The following TMC3 variants were observed in gnomAD, a reference collection of about 807,000 sequenced individuals.
The protein encoded by TMC3 is transmembrane channel like 3, also known as transmembrane channel-like protein 3.
Under a neutral mutation model 110.6 loss-of-function variants are expected in TMC3, and 98 were observed. That is an observed-to-expected ratio of 0.89 (90% CI 0.75 to 1.05). The LOEUF (loss-of-function observed/expected upper bound fraction) is 1.05, where lower values mean the gene tolerates loss of function less well. Among genes scored for constraint, TMC3 ranks in the 50% least tolerant of loss-of-function variants. TMC3 has a pLI of 0.00. For missense variants in TMC3, 1,319 were observed against 1,373.2 expected (o/e 0.96, Z 0.62); for synonymous variants, 489 against 513.1 (o/e 0.95, Z 0.63).
Position 81,334,695 on chromosome 15 carries a change from A to G in TMC3, c.2459+25T>C, listed in dbSNP as rs778603309. ...TCAAATCTCTCACATTCCAGGTTTT[A>G]ATCTGTGCTGCAGTGGAGCCTCACC... On this transcript the variant is annotated intron_variant, in intron 21 of 21. Coordinates refer to ENST00000359440, the MANE Select transcript of TMC3 (RefSeq NM_001080532.3). The G allele has an allele frequency of 3.1e-6, 5 of 1,598,698 alleles. No individual in the cohort carries two copies. The South Asian group carries it at 5.6e-5, about 18-fold the overall frequency.
At chr15:81,357,633 T>TGA (rs1413787337) in intron 7 of TMC3, among the ~76,000 whole-genome samples, 3 of 152,194 alleles carry the variant, frequency 2.0e-5, no homozygotes, top group Non-Finnish European at 4.4e-5. Context: ...GCCTCCCCAG[T>TGA]GATGACCTAG....
In TMC3 at chr15:81,332,879, G is replaced by T. The variant is rs762790734; in HGVS notation, c.2843C>A (p.Thr948Lys). Residue 948 changes from threonine to lysine, a missense_variant, in exon 22 of 22, where the codon ACG (threonine) becomes AAG (lysine). Thr to Lys is a moderately conservative substitution (Grantham distance 78). Coordinates refer to ENST00000359440, the MANE Select transcript of TMC3 (RefSeq NM_001080532.3). Reference sequence around the variant, plus strand: ...CCGTTTGATCCAATCTCTGCTTGGCGTCTCCTCCTCTTCTTCACTCAGCTG... The same window carrying T: ...CCGTTTGATCCAATCTCTGCTTGGCTTCTCCTCCTCTTCTTCACTCAGCTG... ...SPQLSEEEEE[T>K]PSRDWIKRSL... The T allele has an allele frequency of 1.9e-6, 3 of 1,613,350 alleles. No individual in the cohort carries two copies. The highest frequency in any genetic ancestry group is 2.2e-5 in the South Asian group (2 of 91,074).
chr15:81,348,773 G>GAC (rs56776726), intron 11 of TMC3, among the ~76,000 whole-genome samples: 23,924 of 152,136 alleles, frequency 0.16, 3,599 homozygotes, highest in African/African-American at 0.4. Context: ...GGGAAAACCA[G>GAC]ACACTGCCAG....
chr15:81,342,132 C>G (rs1893728685), intron 15 of TMC3, among the ~76,000 whole-genome samples: 1 of 152,162 alleles, frequency 6.6e-6, no homozygotes, highest in African/African-American at 2.4e-5. Context: ...ACCAGATCAT[C>G]CCAGGGAAGC....
intron 4 of TMC3, chr15:81,362,010 GC>G: frequency 2.2e-6 from 1 of 448,360 alleles, no homozygotes. Context: ...ATGTGGAAAG[GC>G]CCACGTCCAG....
chr15:81,342,498 TTAAA>T (rs1893735721), intron 15 of TMC3, among the ~76,000 whole-genome samples: 2 of 152,248 alleles, frequency 1.3e-5, no homozygotes, highest in South Asian at 4.1e-4. Flanking sequence ...TCTAGCACTA[TTAAA>T]TAAATGTCAC....
intron 10 of TMC3, among the ~76,000 whole-genome samples, chr15:81,350,902 G>T (rs1893932806): frequency 6.6e-6 from 1 of 152,128 alleles, no homozygotes; most frequent in Admixed American, 6.5e-5. Context: ...GGGTTGGGGG[G>T]GAGAAGATTG....
At chr15:81,335,162 G>T (rs1387558870) in intron 20 of TMC3, among the ~76,000 whole-genome samples, 187 bp from the exon 21 acceptor site, 1 of 152,238 alleles carries the variant, frequency 6.6e-6, no homozygotes. Context: ...ATCCCTGCAA[G>T]TTGGAGCTGG....
intron 15 of TMC3, among the ~76,000 whole-genome samples, chr15:81,342,423 G>C (rs1268634650): frequency 6.6e-6 from 1 of 152,254 alleles, no homozygotes; most frequent in African/African-American, 2.4e-5. Flanking sequence ...GAAAATAATA[G>C]CAGTTACTTC....
At chr15:81,346,084 G>T (rs1158169874) in intron 12 of TMC3, among the ~76,000 whole-genome samples, 3 of 152,164 alleles carry the variant, frequency 2.0e-5, no homozygotes, top group Non-Finnish European at 4.4e-5. Context: ...GGGATTCAAA[G>T]AAATGGGGTA....
At position 81,332,752 on chromosome 15, in the gene TMC3, C is replaced by T; in HGVS notation, c.2970G>A (p.Arg990=). 1.2e-6 allele frequency: 2 copies of T among 1,613,160 alleles called. No homozygotes were observed. The highest frequency in any genetic ancestry group is 8.5e-7 in the Non-Finnish European group (1 of 1,179,624). Residue 990 remains arginine, a synonymous_variant, in exon 22 of 22, where the codon AGG becomes AGA. Coordinates refer to ENST00000359440, the MANE Select transcript of TMC3 (RefSeq NM_001080532.3). ...SQTRDPEHQG[R]VHYKSWNEDF... ...CTTCATTCCACGACTTGTAGTGCAC[C>T]CTCCCCTGGTGCTCGGGATCCCGGG...
At position 81,336,616 on chromosome 15, in the gene TMC3, C is replaced by T. The variant is rs754292961; in HGVS notation, c.2196G>A (p.Met732Ile). The T allele has an allele frequency of 1.2e-6, 2 of 1,613,820 alleles. No individual in the cohort carries two copies. The highest frequency in any genetic ancestry group is 4.5e-5 in the East Asian group (2 of 44,872). The part of the protein sequence containing the change: ...RSEDKKKVAQ[M>I]VEARIQTQEE... ...AGAAACGGAAATACTTACCTTCTAC[C>T]ATCTGGGCAACCTTTTTCTTATCCT... The change falls in exon 20 of 22, where the codon ATG becomes ATA. Residue 732 changes from methionine (M) to isoleucine (I), a missense_variant. By Grantham distance (10) the Met-to-Ile change is conservative. Coordinates refer to ENST00000359440, the MANE Select transcript of TMC3 (RefSeq NM_001080532.3).
At position 81,351,438 on chromosome 15, in the gene TMC3, C is replaced by T. The variant is rs529818336; in HGVS notation, c.1083+256G>A. Among the ~76,000 whole-genome samples the T allele has an allele frequency of 7.3e-5, 11 of 150,912 alleles. No homozygotes were observed. The South Asian group carries it at 8.4e-4, about 12-fold the overall frequency. ...CGTGATCTTGGCTCACTCTAGCCTC[C>T]GTCGCCTGGGTTCAAGGATTCTCCT... On this transcript the variant is annotated intron_variant, in intron 10 of 21. Transcript: ENST00000359440.
chr15:81,344,017 A>C lies in TMC3; in HGVS notation c.1547T>G (p.Met516Arg). Residue 516 changes from methionine to arginine, a missense_variant, in exon 14 of 22, where the codon ATG becomes AGG. Physicochemically the swap from Met to Arg is moderately conservative, Grantham distance 91. Transcript: ENST00000359440. Reference sequence around the variant, plus strand: ...CAGAATGCTCGCCACGGTGAAGAGCATGTCAATGATGGAGAGCTTCAGCAT... The same window carrying C: ...CAGAATGCTCGCCACGGTGAAGAGCCTGTCAATGATGGAGAGCTTCAGCAT... ...QEMLKLSIID[M>R]LFTVASILLI... is the part of the protein sequence containing the mutation. 1 of 1,611,922 alleles carries C rather than the reference A, an allele frequency of 6.2e-7. No individual in the cohort carries two copies. Among genetic ancestry groups the C allele is most frequent in the Admixed American group, 1.7e-5 (1 of 59,982 alleles).
At chr15:81,373,087 A>G (rs1270262431) in intron 1 of TMC3, among the ~76,000 whole-genome samples, 2 of 152,180 alleles carry the variant, frequency 1.3e-5, no homozygotes, top group South Asian at 2.1e-4. Context: ...AGTAGCAGCA[A>G]TTTGGGTAGG....
Position 81,333,020 on chromosome 15 carries a change from A to G in TMC3, c.2702T>C (p.Leu901Pro), listed in dbSNP as rs765008043. 1.4e-5 allele frequency: 23 copies of G among 1,613,838 alleles called. No homozygotes were observed. Among genetic ancestry groups the G allele is most frequent in the Non-Finnish European group, 1.8e-5 (21 of 1,179,870 alleles). Residue 901 changes from leucine to proline, a missense_variant, in exon 22 of 22, where the codon CTA becomes CCA. Coordinates refer to ENST00000359440, the MANE Select transcript of TMC3 (RefSeq NM_001080532.3). ...NECDSYKKKHLNVWPERHFKI... is the reference protein window; with the variant it reads ...NECDSYKKKHPNVWPERHFKI... ...GAAATGTCTTTCTGGCCAGACATTT[A>G]GATGTTTTTTCTTGTAAGAGTCACA...
At chr15:81,363,236 G>A (rs1354291367) in intron 3 of TMC3, among the ~76,000 whole-genome samples, 1 of 146,526 alleles carries the variant, frequency 6.8e-6, no homozygotes, top group Non-Finnish European at 1.5e-5. Context: ...GGGGGACAGA[G>A]TGAGACTCCG....
intron 15 of TMC3, 71 bp from the exon 16 acceptor site, chr15:81,341,589 A>G: frequency 1.3e-6 from 2 of 1,509,664 alleles, no homozygotes; most frequent in East Asian, 4.8e-5. Flanking sequence ...TGGAAGCCCC[A>G]TGCAGGAACA....
rs1315934839 is a variant in TMC3 at position 81,332,747 on chromosome 15, T to G, written c.2975A>C (p.His992Pro). Residue 992 changes from histidine (H) to proline (P), a missense_variant, in exon 22 of 22, where the codon CAC (histidine) becomes CCC (proline). His to Pro is a moderately conservative substitution (Grantham distance 77). Coordinates refer to ENST00000359440, the MANE Select transcript of TMC3 (RefSeq NM_001080532.3). ...AAAATCTTCATTCCACGACTTGTAG[T>G]GCACCCTCCCCTGGTGCTCGGGATC... ...TRDPEHQGRV[H>P]YKSWNEDFEG... 1 of 1,613,442 alleles carries G rather than the reference T, an allele frequency of 6.2e-7. No homozygotes were observed. Among genetic ancestry groups the G allele is most frequent in the Admixed American group, 1.7e-5 (1 of 59,934 alleles).
Sources: allele counts gnomAD v4.1 joint callset (sites outside exome capture counted in the v4.1 genomes callset), GRCh38; gene constraint gnomAD v4.1.1; transcripts MANE v1.5; gene names NCBI Gene and HGNC (gene_info 2026-07-23, HGNC 2026-07-21).